SLC10A7: variants seen among roughly 807,000 people sequenced by gnomAD.
SLC10A7 encodes the protein sodium/bile acid cotransporter 7.
Under a neutral mutation model 43.2 loss-of-function variants are expected in SLC10A7, and 29 were observed. That is an observed-to-expected ratio of 0.67 (90% CI 0.50 to 0.92). The LOEUF (loss-of-function observed/expected upper bound fraction) is 0.92, where lower values mean the gene tolerates loss of function less well. Among genes scored for constraint, SLC10A7 ranks in the 40% least tolerant of loss-of-function variants. The pLI, the probability that SLC10A7 is intolerant of heterozygous loss-of-function variation, is 0.00. For synonymous variants in SLC10A7, 152 were observed against 144.8 expected (o/e 1.05, Z -0.35); for missense variants, 295 against 403.2 (o/e 0.73, Z 2.30).
chr4:146,471,634 T>A (rs1560941250), intron 4 of SLC10A7, among the ~76,000 whole-genome samples: 1 of 152,214 alleles, frequency 6.6e-6, no homozygotes, highest in Non-Finnish European at 1.5e-5. Context: ...TTGTTACAAC[T>A]GCAATTAAAT....
chr4:146,256,625 C>T, intron 11 of SLC10A7, 105 bp from the exon 12 acceptor site: 1 of 1,257,386 alleles, frequency 8.0e-7, no homozygotes, highest in Non-Finnish European at 1.2e-6. Flanking sequence ...AGAAGAGGCC[C>T]ACCCAGATGG....
At chr4:146,257,685 C>G (rs1022621727) in intron 11 of SLC10A7, among the ~76,000 whole-genome samples, 1 of 152,214 alleles carries the variant, frequency 6.6e-6, no homozygotes, top group African/African-American at 2.4e-5. Context: ...ACGTAATCCT[C>G]TACAACCCTA....
intron 4 of SLC10A7, among the ~76,000 whole-genome samples, chr4:146,500,922 T>C (rs909720694): frequency 2.0e-5 from 3 of 152,130 alleles, no homozygotes; most frequent in African/African-American, 7.2e-5. Flanking sequence ...CTTACACAAC[T>C]TATATCAGCA....
intron 4 of SLC10A7, among the ~76,000 whole-genome samples, chr4:146,447,770 C>T (rs1731236615): frequency 6.6e-6 from 1 of 151,646 alleles, no homozygotes; most frequent in East Asian, 1.9e-4. Context: ...GGTATCAACC[C>T]AATTTTACCC....
chr4:146,308,986 A>G (rs1011263485), intron 6 of SLC10A7, among the ~76,000 whole-genome samples: 1 of 152,148 alleles, frequency 6.6e-6, no homozygotes, highest in Admixed American at 6.5e-5. Flanking sequence ...CTGTAGACAA[A>G]ACACAAAAAC....
At chr4:146,305,541 A>G (rs1358500365) in intron 7 of SLC10A7, among the ~76,000 whole-genome samples, 3 of 150,762 alleles carry the variant, frequency 2.0e-5, no homozygotes, top group Admixed American at 2.0e-4. Context: ...AACCTGCACA[A>G]TGTGCACATG....
chr4:146,384,280 G>GA lies in SLC10A7; in HGVS notation c.436-58285dup, dbSNP rs545343621. Among the ~76,000 whole-genome samples, 585 of 152,004 alleles carry GA rather than the reference G, an allele frequency of 3.8e-3. 2 individuals are homozygous for GA. The highest frequency in any genetic ancestry group is 0.013 in the African/African-American group (532 of 41,502). The stretch of plus-strand genomic sequence containing the variant: ...AGTAATAATGCCTAAAAGCCATAAA[G>GA]AAAAAAACTGATAAATTTAATTACA... On this transcript the variant is annotated intron_variant, in intron 5 of 11. Transcript: ENST00000335472.
intron 6 of SLC10A7, among the ~76,000 whole-genome samples, chr4:146,325,529 C>T (rs1381955513): frequency 1.3e-5 from 2 of 152,152 alleles, no homozygotes; most frequent in East Asian, 3.9e-4. Context: ...GGCAGCCTTC[C>T]CCAAGGTGAG....
chr4:146,412,044 A>G (rs929662701), intron 5 of SLC10A7, among the ~76,000 whole-genome samples: 3 of 152,186 alleles, frequency 2.0e-5, no homozygotes, highest in Non-Finnish European at 4.4e-5. Context: ...TCGAATTTGT[A>G]TAGTCTTTAG....
chr4:146,510,081 G>C (rs1482789385), intron 2 of SLC10A7, 32 bp from the exon 3 acceptor site: 1 of 1,570,872 alleles, frequency 6.4e-7, no homozygotes, highest in East Asian at 2.3e-5. Flanking sequence ...AATAAACAAA[G>C]GTAAGAAAAC....
intron 5 of SLC10A7, among the ~76,000 whole-genome samples, chr4:146,376,445 C>G (rs1737205869): frequency 6.6e-6 from 1 of 150,932 alleles, no homozygotes; most frequent in Non-Finnish European, 1.5e-5. Flanking sequence ...CCCACCACAC[C>G]CCCCATCCTA....
rs1737300086 is a variant in SLC10A7, at chr4:146,509,943, A to C, written c.290T>G (p.Ile97Ser). 6.2e-7 allele frequency: 1 copy of C among 1,613,720 alleles called. No individual in the cohort carries two copies. Among genetic ancestry groups the C allele is most frequent in the African/African-American group, 1.3e-5 (1 of 75,024 alleles). The change falls in exon 3 of 12, where the codon ATC (isoleucine) becomes AGC (serine). Residue 97 changes from isoleucine (I) to serine (S), a missense_variant. By Grantham distance (142) the Ile-to-Ser change is moderately radical. Transcript: ENST00000335472. Reference sequence around the variant, plus strand: ...TAAAAGCCATTCGTTGATGGGTGTGATTGATAAAAGCTGAAGAAAAAGCCA... The same window carrying C: ...TAAAAGCCATTCGTTGATGGGTGTGCTTGATAAAAGCTGAAGAAAAAGCCA... ...TIWLFLQLLS[I>S]TPINEWLLKG...
At chr4:146,370,580 C>T (rs992181153) in intron 5 of SLC10A7, among the ~76,000 whole-genome samples, 5 of 152,218 alleles carry the variant, frequency 3.3e-5, no homozygotes, top group East Asian at 1.9e-4. Flanking sequence ...TGTGTTCCTA[C>T]GCTAAACTTC....
At position 146,306,321 on chromosome 4, in the gene SLC10A7, C is replaced by T. The variant is rs548443258; in HGVS notation, c.472-312G>A. ...ATAATCATATGGCATGATATTTCAT[C>T]AACAATTACAGGTTATGTGATTTTT... On this transcript the variant is annotated intron_variant, in intron 6 of 11. Coordinates refer to ENST00000335472, the MANE Select transcript of SLC10A7 (RefSeq NM_001029998.6). Among the ~76,000 whole-genome samples the T allele has an allele frequency of 3.3e-5, 5 of 152,168 alleles. 1 individual carries two copies. The South Asian group carries it at 1.0e-3, about 32-fold the overall frequency.
In SLC10A7 at chr4:146,390,958, A is replaced by G. The variant is rs1738386310; in HGVS notation, c.435+51825T>C. 2.0e-5 allele frequency among the ~76,000 whole-genome samples: 3 copies of G among 152,218 alleles called. No individual in the cohort carries two copies. In the South Asian group the frequency reaches 6.2e-4, roughly 31 times the overall value. ...ACGCTCAGAGCAACTTGAAAGGGAA[A>G]AACAAATTAACTTTGATCTGTTTTC... On this transcript the variant is annotated intron_variant, in intron 5 of 11. Coordinates refer to ENST00000335472, the MANE Select transcript of SLC10A7 (RefSeq NM_001029998.6).
chr4:146,472,502 T>A (rs1047477527), intron 4 of SLC10A7, among the ~76,000 whole-genome samples: 1 of 150,964 alleles, frequency 6.6e-6, no homozygotes. Context: ...ATTACTCCAC[T>A]GTCAGTGCAA....
chr4:146,356,539 T>A (rs897264436), intron 5 of SLC10A7, among the ~76,000 whole-genome samples: 18 of 151,696 alleles, frequency 1.2e-4, no homozygotes, highest in African/African-American at 3.9e-4. Flanking sequence ...AAGTCTCTTA[T>A]AAGGCTTCCA....
At chr4:146,442,483 C>A (rs181009670) in intron 5 of SLC10A7, 2 of 1,128,128 alleles carry the variant, frequency 1.8e-6, no homozygotes, top group Admixed American at 1.0e-4. Flanking sequence ...ATCTAAAAGA[C>A]CTCATTAAAT....
Position 146,325,988 on chromosome 4 carries a change from A to G in SLC10A7, c.444T>C (p.Val148=). 6.2e-7 allele frequency: 1 copy of G among 1,612,050 alleles called. No individual in the cohort carries two copies. The highest frequency in any genetic ancestry group is 8.5e-7 in the Non-Finnish European group (1 of 1,179,076). The part of the protein sequence containing the change: ...NSAFGSFLGI[V]ITPLLLLLFL... ...AAAGCAGCAGGAGCAGGGGTGTTAT[A>G]ACGATGCCCTGAAAGAAATAAAAGA... The change falls in exon 6 of 12, where the codon GTT becomes GTC. Residue 148 remains valine (V), a synonymous_variant. Coordinates refer to ENST00000335472, the MANE Select transcript of SLC10A7 (RefSeq NM_001029998.6).
Sources: allele counts gnomAD v4.1 joint callset (sites outside exome capture counted in the v4.1 genomes callset), GRCh38; gene constraint gnomAD v4.1.1; transcripts MANE v1.5; gene names NCBI Gene and HGNC (gene_info 2026-07-23, HGNC 2026-07-21).